DENND2B: variants seen among roughly 807,000 people sequenced by gnomAD.
DENND2B encodes DENN domain-containing protein 2B.
Under a neutral mutation model 116.0 loss-of-function variants are expected in DENND2B, and 32 were observed. The observed-to-expected ratio is 0.28, with a 90% CI of 0.21 to 0.37. DENND2B has a LOEUF of 0.37. DENND2B is among the 10% of genes least tolerant of loss of function. DENND2B has a pLI of 1.00. For synonymous variants in DENND2B, 588 were observed against 583.9 expected (o/e 1.01, Z -0.10); for missense variants, 1,276 against 1,477.7 (o/e 0.86, Z 2.24).
chr11:8,764,034 G>A (rs2055154362), intron 1 of DENND2B, among the ~76,000 whole-genome samples: 1 of 151,928 alleles, frequency 6.6e-6, no homozygotes, highest in South Asian at 2.1e-4. Flanking sequence ...GACCAGCCTG[G>A]CCAACATGGT....
At chr11:8,728,601 A>T (rs1022070562) in intron 3 of DENND2B, among the ~76,000 whole-genome samples, 4 of 145,116 alleles carry the variant, frequency 2.8e-5, no homozygotes, top group Non-Finnish European at 4.6e-5. Context: ...TCTCCCCCCC[A>T]CTCCCTTTGG....
At chr11:8,715,376 C>T (rs895138278) in intron 6 of DENND2B, 2 of 561,268 alleles carry the variant, frequency 3.6e-6, no homozygotes, top group Admixed American at 6.5e-5. Context: ...CTAGACTTTC[C>T]TTCCTCTAAC....
chr11:8,815,254 C>T (rs10769962), upstream of DENND2B, among the ~76,000 whole-genome samples: 126,851 of 152,086 alleles, frequency 0.83, 54,317 homozygotes, highest in Non-Finnish European at 0.94. Flanking sequence ...TCTTATGTTT[C>T]ATAATTTGGA....
intron 2 of DENND2B, among the ~76,000 whole-genome samples, chr11:8,864,920 C>T (rs534826110): frequency 6.6e-6 from 1 of 152,268 alleles, no homozygotes; most frequent in East Asian, 1.9e-4. Flanking sequence ...AATTTACATC[C>T]AAGATCCCAA....
intron 4 of DENND2B, among the ~76,000 whole-genome samples, chr11:8,821,464 C>T (rs890445643): frequency 2.0e-5 from 3 of 151,646 alleles, no homozygotes; most frequent in East Asian, 3.9e-4. Context: ...CTGTAGTCCC[C>T]GCTACACAGG....
intron 1 of DENND2B, among the ~76,000 whole-genome samples, chr11:8,777,705 C>G (rs1274866567): frequency 1.3e-5 from 2 of 152,148 alleles, no homozygotes; most frequent in Admixed American, 6.5e-5. Flanking sequence ...TTCCCAGAAC[C>G]AGAAGAGGCT....
intron 1 of DENND2B, among the ~76,000 whole-genome samples, chr11:8,890,324 A>G (rs1169180582): frequency 1.3e-5 from 2 of 152,224 alleles, no homozygotes; most frequent in Non-Finnish European, 2.9e-5. Context: ...AAATTCTAAA[A>G]ATCAGAGCAC....
intron 1 of DENND2B, among the ~76,000 whole-genome samples, chr11:8,803,275 C>T (rs957797144): frequency 1.3e-5 from 2 of 152,122 alleles, no homozygotes; most frequent in Admixed American, 6.5e-5. Flanking sequence ...ATCCCAGCTA[C>T]TGGGGAGGCT....
intron 1 of DENND2B, among the ~76,000 whole-genome samples, chr11:8,751,017 G>A (rs1282966502): frequency 6.6e-6 from 1 of 151,872 alleles, no homozygotes; most frequent in Non-Finnish European, 1.5e-5. Context: ...TCTAGCTCAG[G>A]GTTTGTGGAT....
chr11:8,773,409 A>G (rs548767986), intron 1 of DENND2B, among the ~76,000 whole-genome samples: 44 of 152,312 alleles, frequency 2.9e-4, no homozygotes, highest in East Asian at 2.3e-3. Flanking sequence ...CTCTGGCTCC[A>G]TGCCATCAAA....
intron 2 of DENND2B, among the ~76,000 whole-genome samples, chr11:8,747,586 A>G (rs1437926866): frequency 1.3e-5 from 2 of 152,186 alleles, no homozygotes; most frequent in African/African-American, 4.8e-5. Flanking sequence ...AGGTTTGAGA[A>G]TCCCACCCCA....
intron 1 of DENND2B, among the ~76,000 whole-genome samples, chr11:8,751,018 GT>G (rs1211303360): frequency 6.6e-6 from 1 of 151,954 alleles, no homozygotes; most frequent in African/African-American, 2.4e-5. Flanking sequence ...CTAGCTCAGG[GT>G]TTGTGGATGC....
intron 18 of DENND2B, 64 bp downstream of exon 18, chr11:8,696,363 C>T: frequency 1.3e-6 from 2 of 1,590,546 alleles, no homozygotes; most frequent in Non-Finnish European, 1.7e-6. Flanking sequence ...CATCATAGTG[C>T]CTGGTTCTTC....
At chr11:8,903,313 T>A (rs2064193086) in intron 1 of DENND2B, among the ~76,000 whole-genome samples, 1 of 151,948 alleles carries the variant, frequency 6.6e-6, no homozygotes, top group South Asian at 2.1e-4. Flanking sequence ...CTTGGGTGGA[T>A]TAGGCAGAAG....
intron 1 of DENND2B, chr11:8,774,170 G>C: frequency 1.0e-6 from 1 of 985,490 alleles, no homozygotes; most frequent in East Asian, 1.1e-4. Flanking sequence ...TCTCTGCTCA[G>C]TCAGCCTTCA....
chr11:8,780,496 T>C (rs1464332254), intron 1 of DENND2B, among the ~76,000 whole-genome samples: 2 of 152,070 alleles, frequency 1.3e-5, no homozygotes, highest in Non-Finnish European at 2.9e-5. Context: ...CCTACACAGA[T>C]AGAACTACAT....
At chr11:8,746,252 T>A (rs1413505766) in intron 2 of DENND2B, among the ~76,000 whole-genome samples, 1 of 152,216 alleles carries the variant, frequency 6.6e-6, no homozygotes, top group Non-Finnish European at 1.5e-5. Flanking sequence ...TGTGCCTACA[T>A]TGGCCATGGA....
intron 1 of DENND2B, among the ~76,000 whole-genome samples, chr11:8,883,724 T>C (rs2063928209): frequency 6.6e-6 from 1 of 152,214 alleles, no homozygotes; most frequent in African/African-American, 2.4e-5. Context: ...ATACCACATT[T>C]TCATCAGAAG....
chr11:8,836,778 GATC>G lies in DENND2B; in HGVS notation c.-115+2529_-115+2531del, dbSNP rs1566035149. ...CACCCAGGCTGGAGTGCAGTGGCACGATCTCAGCTCACTGCAGTCTCGACCTCC... is the reference window on the plus strand; with the variant it reads ...CACCCAGGCTGGAGTGCAGTGGCACGTCAGCTCACTGCAGTCTCGACCTCC... On this transcript the variant is annotated intron_variant, in intron 4 of 6. Transcript: ENST00000524757. 1.7e-4 allele frequency among the ~76,000 whole-genome samples: 26 copies of G among 152,210 alleles called. No individual in the cohort carries two copies. In the East Asian group the frequency reaches 5.0e-3, roughly 29 times the overall value.
Sources: gnomAD v4.1 joint callset for allele counts (sites outside exome capture counted in the v4.1 genomes callset) on GRCh38, gnomAD v4.1.1 for gene constraint, MANE v1.5 for transcripts, NCBI Gene and HGNC (gene_info 2026-07-23, HGNC 2026-07-21) for gene names.